The following GIPC1 variants were observed in gnomAD, a reference collection of about 807,000 sequenced individuals.
GIPC1 encodes the protein PDZ domain-containing protein GIPC1.
GIPC1 carries 15 observed loss-of-function variants against 28.5 expected under a neutral mutation model. That is an observed-to-expected ratio of 0.53 (90% CI 0.35 to 0.81). GIPC1 has a LOEUF of 0.81. Among genes scored for constraint, GIPC1 ranks in the 30% least tolerant of loss-of-function variants. The pLI, the probability that GIPC1 is intolerant of heterozygous loss-of-function variation, is 0.01. For synonymous variants in GIPC1, 224 were observed against 206.1 expected, an observed-to-expected ratio of 1.09 and a Z score of -0.74; for missense variants, 439 against 481.9, an observed-to-expected ratio of 0.91 and a Z score of 0.83.
intron 3 of GIPC1, among the ~76,000 whole-genome samples, chr19:14,487,406 T>G (rs973984483): frequency 2.0e-5 from 3 of 151,402 alleles, no homozygotes; most frequent in South Asian, 2.1e-4. Flanking sequence ...CTAATTTTTT[T>G]TGTGTTTTTA....
intron 3 of GIPC1, among the ~76,000 whole-genome samples, chr19:14,486,712 CTTTTTTT>C (rs35491814): frequency 8.0e-6 from 1 of 124,756 alleles, no homozygotes; most frequent in Non-Finnish European, 1.6e-5. Context: ...TTCTTTCTTT[CTTTTTTT>C]TTTTTTTTTT....
At chr19:14,482,047 A>G (rs2071740483) in intron 4 of GIPC1, 1 of 154,444 alleles carries the variant, frequency 6.5e-6, no homozygotes, top group Non-Finnish European at 1.4e-5. Context: ...GGAACTCAGC[A>G]TCCAGCCCTG....
rs985355446 is a variant in GIPC1 at position 14,479,535 on chromosome 19, CA to C, written c.656-12del. On this transcript the variant is annotated splice_polypyrimidine_tract_variant and intron_variant, in intron 6 of 8. Coordinates refer to ENST00000393033, the MANE Select transcript of GIPC1 (RefSeq NM_005716.4). ...GCTGGCTGATCATGTCTGTGGGAGG[CA>C]GGAGAGGAGTGAGTGTGGGGGAAGC... The C allele has an allele frequency of 5.7e-6, 8 of 1,392,854 alleles. No individual in the cohort carries two copies. The highest frequency in any genetic ancestry group is 6.0e-5 in the East Asian group (2 of 33,332). The allele number at this position is 1,392,854 out of a possible 1,614,324, so 86.3% of individuals were successfully genotyped here.
At position 14,478,204 on chromosome 19, in the gene GIPC1, G is replaced by C; in HGVS notation, c.*212C>G. 1 of 554,746 alleles carries C rather than the reference G, an allele frequency of 1.8e-6. No individual in the cohort carries two copies. Among genetic ancestry groups the C allele is most frequent in the Non-Finnish European group, 3.2e-6 (1 of 314,868 alleles). 34.4% of individuals were successfully genotyped at this position (554,746 alleles called of 1,614,324 possible). On this transcript the variant is annotated 3_prime_UTR_variant, in exon 9 of 9. Coordinates refer to ENST00000393033, the MANE Select transcript of GIPC1 (RefSeq NM_005716.4). This position sits in a 1 kb window ranked among gnomAD's most constrained non-coding sequence, Gnocchi z 5.2. The stretch of plus-strand genomic sequence containing the variant: ...TGAGGTAGGTGGGGAACAGGGCACA[G>C]GGGGGCCGGGGACCCCGGCCAGACT...
chr19:14,482,519 G>A, intron 4 of GIPC1, 170 bp downstream of exon 4: 2 of 661,780 alleles, frequency 3.0e-6, no homozygotes, highest in East Asian at 2.7e-5. Flanking sequence ...GCCTCCCAGT[G>A]CCTCATGGGG....
chr19:14,494,141 GGAGA>G (rs951480360), intron 1 of GIPC1, among the ~76,000 whole-genome samples: 17 of 152,126 alleles, frequency 1.1e-4, no homozygotes, highest in African/African-American at 4.1e-4. Flanking sequence ...CATATTTTTA[GGAGA>G]GAGGGGGTTT....
rs1555721833 is a variant in GIPC1, at chr19:14,485,738, G to GAGAGAC, written c.-30-2733_-30-2732insGTCTCT. ...AGAGAGAGAGAGAGAGAGAGAGAGA[G>GAGAGAC]AGACAGAGAGAGGGAGAGAGAGAGA... On this transcript the variant is annotated intron_variant, in intron 3 of 8. Transcript: ENST00000393033. 1.8e-3 allele frequency among the ~76,000 whole-genome samples: 253 copies of GAGAGAC among 141,656 alleles called. 2 individuals are homozygous for GAGAGAC. The highest frequency in any genetic ancestry group is 0.011 in the Middle Eastern group (3 of 274). The allele number at this position is 141,656 out of a possible 152,430, so 92.9% of individuals were successfully genotyped here.
intron 3 of GIPC1, among the ~76,000 whole-genome samples, chr19:14,485,832 G>A (rs113350335): frequency 0.014 from 2,150 of 150,882 alleles, 28 homozygotes; most frequent in Non-Finnish European, 0.022. Context: ...GTACAGTGGC[G>A]CGATCTCGGC....
intron 3 of GIPC1, chr19:14,489,280 C>T: frequency 2.9e-6 from 2 of 698,276 alleles, no homozygotes; most frequent in Admixed American, 4.2e-5. Flanking sequence ...AATCGATTGG[C>T]TAACGAGGTC....
At position 14,496,059 on chromosome 19, in the gene GIPC1, G is replaced by GCCA. The variant is rs1392285103; in HGVS notation, c.-198_-197insTGG. Reference sequence around the variant, plus strand: ...CACCTGCTCCGCCGCCGCCGCCGCCGCCGCCGCCGCCGCCGCTGCCTCCGC... The same window carrying GCCA: ...CACCTGCTCCGCCGCCGCCGCCGCCGCCACCGCCGCCGCCGCCGCTGCCTCCGC... On this transcript the variant is annotated 5_prime_UTR_variant, in exon 1 of 9. Coordinates refer to ENST00000393033, the MANE Select transcript of GIPC1 (RefSeq NM_005716.4). The GCCA allele has an allele frequency of 4.0e-6, 1 of 248,102 alleles. No homozygotes were observed. Among genetic ancestry groups the GCCA allele is most frequent in the Non-Finnish European group, 7.6e-6 (1 of 131,528 alleles). 15.4% of individuals were successfully genotyped at this position (248,102 alleles called of 1,614,324 possible). A position where few individuals can be genotyped will look rare whatever the true frequency, so the allele number is the denominator to read the frequency against.
rs538755240 is a variant in GIPC1, at chr19:14,480,166, GCTGCAACCCCTTCCCTTT to G, written c.655+121_655+138del. On this transcript the variant is annotated intron_variant, in intron 6 of 8. Transcript: ENST00000393033. ...AGCACCCCGTCTGGGGTCGGGAGGAGCTGCAACCCCTTCCCTTTCTGCAACCCCTTCCCTTTCGGCAGG... is the reference window on the plus strand; with the variant it reads ...AGCACCCCGTCTGGGGTCGGGAGGAGCTGCAACCCCTTCCCTTTCGGCAGG... 297 of 707,406 alleles carry G rather than the reference GCTGCAACCCCTTCCCTTT, an allele frequency of 4.2e-4. 1 individual carries two copies. The highest frequency in any genetic ancestry group is 2.7e-3 in the South Asian group (150 of 56,408). 43.8% of individuals were successfully genotyped at this position (707,406 alleles called of 1,614,324 possible).
rs1568359072 is a variant in GIPC1 at position 14,478,600 on chromosome 19, A to G, written c.851-33T>C. On this transcript the variant is annotated intron_variant, in intron 8 of 8. Transcript: ENST00000393033. The surrounding 1 kb of genome is among the most constrained non-coding windows in gnomAD (Gnocchi z 5.2). ...GGGAGGGGTCAGAACGGAGGCACAA[A>G]TGACACCAGGGACCAAGGGGCTCAG... 3.7e-6 allele frequency: 6 copies of G among 1,613,532 alleles called. No individual in the cohort carries two copies. The highest frequency in any genetic ancestry group is 1.3e-5 in the African/African-American group (1 of 74,976).
At position 14,480,609 on chromosome 19, in the gene GIPC1, C is replaced by T. The variant is rs1375782591; in HGVS notation, c.458G>A (p.Gly153Asp). 3 of 1,614,038 alleles carry T rather than the reference C, an allele frequency of 1.9e-6. No homozygotes were observed. Among genetic ancestry groups the T allele is most frequent in the Non-Finnish European group, 2.5e-6 (3 of 1,179,922 alleles). Residue 153 changes from glycine to aspartate, a missense_variant, in exon 5 of 9, where the codon GGC becomes GAC. Coordinates refer to ENST00000393033, the MANE Select transcript of GIPC1 (RefSeq NM_005716.4). ...CCCAGGCACCTTGATGAAGGCGTAGCCAGCCCCGTTGTCCGTGATGGTGAG... is the reference window on the plus strand; with the variant it reads ...CCCAGGCACCTTGATGAAGGCGTAGTCAGCCCCGTTGTCCGTGATGGTGAG... ...LGLTITDNGAGYAFIKRIKEG... is the reference protein window; with the variant it reads ...LGLTITDNGADYAFIKRIKEG...
intron 2 of GIPC1, among the ~76,000 whole-genome samples, 163 bp downstream of exon 2, chr19:14,492,690 ACTCT>A (rs895757073): frequency 1.3e-5 from 2 of 150,722 alleles, no homozygotes; most frequent in Non-Finnish European, 3.0e-5. Context: ...CAGCCTCCTT[ACTCT>A]CTCTCTCTGC....
chr19:14,490,467 C>A lies in GIPC1; in HGVS notation c.-31+1189G>T, dbSNP rs182448012. Among the ~76,000 whole-genome samples, 1,160 of 149,384 alleles carry A rather than the reference C, an allele frequency of 7.8e-3. 54 individuals are homozygous for A. Among genetic ancestry groups the A allele is most frequent in the Admixed American group, 0.072 (1,078 of 14,964 alleles). On this transcript the variant is annotated intron_variant, in intron 3 of 8. Transcript: ENST00000393033. ...CAGAGGCAGGCGGATCACCTGAGGT[C>A]GAGAGTTCGAGACTGGCCTGACCAA...
rs373543406 is a variant in GIPC1, at chr19:14,480,716, G to A, written c.351C>T (p.Ile117=). Residue 117 remains isoleucine, a synonymous_variant, in exon 5 of 9, where the codon ATC becomes ATT. Transcript: ENST00000393033. ...VDMDKLLGGQ[I]GLEDFIFAHV... Reference sequence around the variant, plus strand: ...GGGCGAAGATGAAGTCCTCCAGCCCGATCTGGCCCCCCAGGAGCTTGTCCA... The same window carrying A: ...GGGCGAAGATGAAGTCCTCCAGCCCAATCTGGCCCCCCAGGAGCTTGTCCA... 8.7e-6 allele frequency: 14 copies of A among 1,613,750 alleles called. No individual in the cohort carries two copies. Among genetic ancestry groups the A allele is most frequent in the Admixed American group, 1.7e-5 (1 of 59,984 alleles).
intron 4 of GIPC1, among the ~76,000 whole-genome samples, chr19:14,481,214 C>T (rs897495129): frequency 6.6e-6 from 1 of 152,120 alleles, no homozygotes; most frequent in African/African-American, 2.4e-5. Flanking sequence ...TCAAGTGATC[C>T]TCCTGTCTCA....
At chr19:14,491,259 C>G (rs1166711670) in intron 3 of GIPC1, among the ~76,000 whole-genome samples, 1 of 151,794 alleles carries the variant, frequency 6.6e-6, no homozygotes, top group Non-Finnish European at 1.5e-5. Flanking sequence ...TTGGCCGCAT[C>G]CAATCTTTTT....
intron 3 of GIPC1, among the ~76,000 whole-genome samples, chr19:14,485,700 TATAGAGAGAGAGAGAGAGAGAGAG>T (rs1314057336): frequency 8.7e-5 from 6 of 68,822 alleles, no homozygotes; most frequent in African/African-American, 1.9e-4. Flanking sequence ...TATATATATA[TATAGAGAGAGAGAGAGAGAGAGAG>T]AGAGAGAGAG....
Sources: allele counts gnomAD v4.1 joint callset (sites outside exome capture counted in the v4.1 genomes callset), GRCh38; gene constraint gnomAD v4.1.1; non-coding constraint Gnocchi (gnomAD v3.1); transcripts MANE v1.5; gene names NCBI Gene and HGNC (gene_info 2026-07-23, HGNC 2026-07-21).